Variants in F8 observed in about 807,000 individuals in gnomAD.
F8 encodes the protein coagulation factor VIII, also known as antihemophilic factor.
F8 carries 12 observed loss-of-function variants against 140.6 expected under a neutral mutation model. The observed-to-expected ratio is 0.09, with a 90% CI of 0.05 to 0.14. The LOEUF is 0.14. F8 is among the 10% of genes least tolerant of loss of function. The pLI is 1.00. For synonymous variants in F8, 585 were observed against 614.6 expected (o/e 0.95, Z 0.71); for missense variants, 1,354 against 1,720.7 (o/e 0.79, Z 3.77).
chrX:154,848,225 C>T (rs966978403), intron 25 of F8, among the ~76,000 whole-genome samples: 2 of 112,890 alleles, frequency 1.8e-5, no homozygotes, highest in Non-Finnish European at 3.8e-5. Flanking sequence ...TTAGGCTACT[C>T]GGGGGTCAGG....
At chrX:154,916,554 C>A (rs1011497961) in intron 14 of F8, among the ~76,000 whole-genome samples, 7 of 111,003 alleles carry the variant, frequency 6.3e-5, no homozygotes, top group Non-Finnish European at 1.3e-4. Flanking sequence ...GAAATTTATC[C>A]ATTTCTTCTA....
At chrX:154,850,121 A>AT (rs367621696) in intron 25 of F8, among the ~76,000 whole-genome samples, 2,233 of 66,503 alleles carry the variant, frequency 0.034, 102 homozygotes, top group Admixed American at 0.18. Flanking sequence ...GTGTGTGTGT[A>AT]TTTTTTTTTT....
At chrX:154,868,376 G>A (rs1398575494) in intron 22 of F8, among the ~76,000 whole-genome samples, 2 of 112,092 alleles carry the variant, frequency 1.8e-5, no homozygotes, top group African/African-American at 6.5e-5. Flanking sequence ...TATGACTGTA[G>A]GTTTCCTGAG....
chrX:154,942,820 T>C (rs1432238174), intron 13 of F8, among the ~76,000 whole-genome samples: 1 of 106,129 alleles, frequency 9.4e-6, no homozygotes, highest in Non-Finnish European at 1.9e-5. Flanking sequence ...TTATCCACCA[T>C]GATCAAGTGG....
intron 25 of F8, 70 bp downstream of exon 25, chrX:154,860,362 G>A (rs1159211965): frequency 7.1e-6 from 8 of 1,127,725 alleles, no homozygotes; most frequent in African/African-American, 5.4e-5. Flanking sequence ...ACCTTTTTAT[G>A]TTATGTTAAG....
intron 1 of F8, among the ~76,000 whole-genome samples, chrX:155,001,939 A>G (rs782400970): frequency 8.9e-6 from 1 of 111,958 alleles, no homozygotes; most frequent in Non-Finnish European, 1.9e-5. Flanking sequence ...ATATGCTCCC[A>G]TCTACCTCCA....
chrX:155,013,292 G>A (rs2073718326), intron 1 of F8, among the ~76,000 whole-genome samples: 1 of 111,161 alleles, frequency 9.0e-6, no homozygotes, highest in African/African-American at 3.3e-5. Flanking sequence ...AATCATGGCA[G>A]TGGGGTTTTC....
intron 22 of F8, among the ~76,000 whole-genome samples, chrX:154,895,272 C>A (rs1294808438): frequency 8.9e-6 from 1 of 112,121 alleles, no homozygotes; most frequent in Non-Finnish European, 1.9e-5. Context: ...GGTAGAGAAG[C>A]AGGAAAATGG....
At position 154,997,085 on chromosome X, in the gene F8, A is replaced by G. The variant is rs1557285166; in HGVS notation, c.276T>C (p.Gly92=). 1 of 1,211,568 alleles carries G rather than the reference A, an allele frequency of 8.3e-7. No homozygotes were observed. The highest frequency in any genetic ancestry group is 1.1e-6 in the Non-Finnish European group (1 of 895,241). ...KPRPPWMGLL[G]PTIQAEVYDT... ...CATAAACCTCAGCCTGGATGGTAGG[A>G]CCTAGCAGACCTGTAAGAATGAGAT... Residue 92 remains glycine, a synonymous_variant, in exon 3 of 26, where the codon GGT becomes GGC. Transcript: ENST00000360256.
intron 25 of F8, among the ~76,000 whole-genome samples, chrX:154,856,633 A>G (rs781902240): frequency 8.9e-6 from 1 of 111,862 alleles, no homozygotes; most frequent in South Asian, 3.8e-4. Context: ...CCTCTCAATC[A>G]ATTCCCAGAC....
At chrX:154,943,544 C>G (rs5945256) in intron 13 of F8, among the ~76,000 whole-genome samples, 1,484 of 111,791 alleles carry the variant, frequency 0.013, 27 homozygotes, top group African/African-American at 0.045. Context: ...GAAGACTATT[C>G]CATGCTCATG....
At chrX:154,954,828 AGTACTT>A (rs2073355289) in intron 11 of F8, among the ~76,000 whole-genome samples, 1 of 112,155 alleles carries the variant, frequency 8.9e-6, no homozygotes, top group Admixed American at 9.5e-5. Context: ...GGTCAGGACA[AGTACTT>A]GGCAAAATTT....
intron 25 of F8, among the ~76,000 whole-genome samples, chrX:154,848,775 G>A (rs184126610): frequency 9.8e-4 from 109 of 110,997 alleles, no homozygotes; most frequent in African/African-American, 3.3e-3. Context: ...CTCATGCTCG[G>A]TGGGCTGCAC....
chrX:154,946,618 C>T (rs2073306232), intron 13 of F8, among the ~76,000 whole-genome samples: 1 of 111,561 alleles, frequency 9.0e-6, no homozygotes, highest in Non-Finnish European at 1.9e-5. Flanking sequence ...AAGTATGAAA[C>T]TACTGGAAGA....
At chrX:154,935,813 A>T (rs2073221139) in intron 13 of F8, among the ~76,000 whole-genome samples, 1 of 111,934 alleles carries the variant, frequency 8.9e-6, no homozygotes, top group South Asian at 3.7e-4. Flanking sequence ...AAACTAGAAC[A>T]GCATATTCAA....
At chrX:154,871,233 T>C (rs992723165) in intron 22 of F8, among the ~76,000 whole-genome samples, 4 of 112,017 alleles carry the variant, frequency 3.6e-5, no homozygotes, top group Non-Finnish European at 7.5e-5. Context: ...AGAGCCCTCA[T>C]AGCCAAGACA....
intron 22 of F8, among the ~76,000 whole-genome samples, chrX:154,877,277 G>A (rs2072823937): frequency 9.0e-6 from 1 of 111,444 alleles, no homozygotes; most frequent in African/African-American, 3.3e-5. Flanking sequence ...AAAATAGGGA[G>A]AATATCCTGG....
chrX:155,011,405 C>T (rs1163717001), intron 1 of F8, among the ~76,000 whole-genome samples: 2 of 112,254 alleles, frequency 1.8e-5, no homozygotes, highest in African/African-American at 6.5e-5. Flanking sequence ...CAGACAGTAA[C>T]AAGTGTTGAT....
chrX:154,857,625 G>T (rs2072659882), intron 25 of F8, among the ~76,000 whole-genome samples: 1 of 112,269 alleles, frequency 8.9e-6, no homozygotes, highest in African/African-American at 3.2e-5. Context: ...AAGGAGAAAT[G>T]GCCAGGTGTG....
Sources: gnomAD v4.1 joint callset for allele counts (sites outside exome capture counted in the v4.1 genomes callset) on GRCh38, gnomAD v4.1.1 for gene constraint, MANE v1.5 for transcripts, NCBI Gene and HGNC (gene_info 2026-07-23, HGNC 2026-07-21) for gene names.